Variants in IGF2R observed in about 807,000 individuals in gnomAD.
IGF2R encodes the protein insulin like growth factor 2 receptor.
A neutral mutation model predicts 270.6 loss-of-function variants in IGF2R; 91 were observed. The ratio of observed to expected loss-of-function variants is 0.34; its 90% CI spans 0.28 to 0.40. The LOEUF is 0.40. IGF2R is among the 10% of genes least tolerant of loss of function. IGF2R has a pLI of 1.00. For synonymous variants in IGF2R, 1,316 were observed against 1,258.9 expected (o/e 1.05, Z -0.96); for missense variants, 2,805 against 3,188.3 (o/e 0.88, Z 2.90).
At chr6:160,001,281 A>G (rs1419047484) in intron 2 of IGF2R, among the ~76,000 whole-genome samples, 2 of 152,056 alleles carry the variant, frequency 1.3e-5, no homozygotes, top group African/African-American at 4.8e-5. Context: ...TGTGAACTGC[A>G]CATGCAAGGG....
At chr6:160,015,937 C>G (rs990050221) in intron 4 of IGF2R, among the ~76,000 whole-genome samples, 4 of 152,248 alleles carry the variant, frequency 2.6e-5, no homozygotes, top group Admixed American at 2.0e-4. Flanking sequence ...CTTGCTCCCA[C>G]TTCACCTTCT....
At chr6:160,055,990 C>G (rs748274572) in intron 19 of IGF2R, among the ~76,000 whole-genome samples, 4 of 152,190 alleles carry the variant, frequency 2.6e-5, no homozygotes, top group African/African-American at 7.2e-5. Flanking sequence ...CTCCTGTGCC[C>G]TCTTCCTGCC....
intron 1 of IGF2R, among the ~76,000 whole-genome samples, chr6:159,985,592 A>G (rs1300442058): frequency 6.6e-6 from 1 of 152,232 alleles, no homozygotes; most frequent in Non-Finnish European, 1.5e-5. Flanking sequence ...TCATTGCTCC[A>G]GGAGGGAAGA....
At chr6:160,089,048 C>T in intron 42 of IGF2R, 59 bp from the exon 43 acceptor site, 1 of 1,555,962 alleles carries the variant, frequency 6.4e-7, no homozygotes, top group African/African-American at 1.4e-5. Flanking sequence ...CATTGTTTTG[C>T]AGTCTTCCCT....
rs1199378498 is a variant in IGF2R at position 160,088,994 on chromosome 6, CT to C, written c.6321-111del. 4 of 1,104,852 alleles carry C rather than the reference CT, an allele frequency of 3.6e-6. No individual in the cohort carries two copies. The Admixed American group carries it at 1.2e-4, about 33-fold the overall frequency. 68.4% of individuals were successfully genotyped at this position (1,104,852 alleles called of 1,614,324 possible). On this transcript the variant is annotated intron_variant, in intron 42 of 47. Coordinates refer to ENST00000356956, the MANE Select transcript of IGF2R (RefSeq NM_000876.4). Reference sequence around the variant, plus strand: ...GGACCCAACTGAAGTCTCGCAGCACCTTGACTGAAAGCCAGTGAGCTGCTTC... The same window carrying C: ...GGACCCAACTGAAGTCTCGCAGCACCTGACTGAAAGCCAGTGAGCTGCTTC...
chr6:160,080,080 G>A lies in IGF2R; in HGVS notation c.5687-49G>A, dbSNP rs758913154. 29 of 1,601,408 alleles carry A rather than the reference G, an allele frequency of 1.8e-5. No homozygotes were observed. In the South Asian group the frequency reaches 3.0e-4, roughly 17 times the overall value. On this transcript the variant is annotated intron_variant, in intron 38 of 47. Transcript: ENST00000356956. ...TGCTGCTGCATTCTGAGGTGATTGTGCCTGGCGAGGCACAGCTGCCACACT... is the reference window on the plus strand; with the variant it reads ...TGCTGCTGCATTCTGAGGTGATTGTACCTGGCGAGGCACAGCTGCCACACT...
chr6:160,046,735 ATTGCTT>A, intron 15 of IGF2R, 90 bp downstream of exon 15: 2 of 1,352,520 alleles, frequency 1.5e-6, no homozygotes, highest in Non-Finnish European at 2.0e-6. Flanking sequence ...ACTTAATGTC[ATTGCTT>A]TATGACAAGC....
chr6:159,990,066 G>A (rs527379756), intron 1 of IGF2R, among the ~76,000 whole-genome samples: 7 of 152,370 alleles, frequency 4.6e-5, no homozygotes, highest in African/African-American at 1.7e-4. Context: ...GATCTGAACT[G>A]TAGCTCTAAG....
chr6:160,065,159 A>G (rs1778539898), intron 29 of IGF2R, among the ~76,000 whole-genome samples: 1 of 152,198 alleles, frequency 6.6e-6, no homozygotes, highest in Admixed American at 6.5e-5. Flanking sequence ...CGTGATCCAC[A>G]TGTCAGTGAG....
intron 17 of IGF2R, among the ~76,000 whole-genome samples, 197 bp from the exon 18 acceptor site, chr6:160,048,178 G>T (rs953651900): frequency 3.9e-5 from 6 of 152,222 alleles, no homozygotes; most frequent in Non-Finnish European, 8.8e-5. Context: ...GGACAGTTAA[G>T]GTCCACTGCA....
intron 30 of IGF2R, among the ~76,000 whole-genome samples, chr6:160,069,185 A>G (rs972419516): frequency 5.3e-5 from 8 of 152,120 alleles, no homozygotes; most frequent in Non-Finnish European, 1.2e-4. Context: ...TGGGAAACCA[A>G]GGGCACCTCC....
rs773537372 is a variant in IGF2R, at chr6:160,058,924, A to G, written c.2917A>G (p.Met973Val). 7 of 1,614,080 alleles carry G rather than the reference A, an allele frequency of 4.3e-6. No homozygotes were observed. The highest frequency in any genetic ancestry group is 3.3e-5 in the South Asian group (3 of 91,086). Residue 973 changes from methionine to valine, a missense_variant, in exon 22 of 48, where the codon ATG (methionine) becomes GTG (valine). Physicochemically the swap from Met to Val is conservative, Grantham distance 21. Around this residue, in one of 2 missense-constraint regions of IGF2R, gnomAD observed 1,851 missense variants for 2,207.2 expected, o/e 0.84. Transcript: ENST00000356956. The stretch of plus-strand genomic sequence containing the variant: ...CCTGCAGTTTAATGTCTGCGGCACA[A>G]TGCCTGTCTGTGGGACCATCCTGGG... ...KIFMFNVCGT[M>V]PVCGTILGKP...
At chr6:160,028,242 G>A (rs1393719916) in intron 6 of IGF2R, among the ~76,000 whole-genome samples, 1 of 152,174 alleles carries the variant, frequency 6.6e-6, no homozygotes, top group Non-Finnish European at 1.5e-5. Context: ...GTCTTCACGT[G>A]GCCTTCCCTC....
At chr6:160,086,298 C>T (rs1226990347) in intron 41 of IGF2R, among the ~76,000 whole-genome samples, 4 of 152,180 alleles carry the variant, frequency 2.6e-5, no homozygotes, top group Non-Finnish European at 5.9e-5. Context: ...ACCTGCTGAC[C>T]GGAACGAGAA....
At position 160,059,090 on chromosome 6, in the gene IGF2R, C is replaced by T. The variant is rs1200823591; in HGVS notation, c.3083C>T (p.Ser1028Phe). 1.2e-6 allele frequency: 2 copies of T among 1,613,804 alleles called. No homozygotes were observed. Among genetic ancestry groups the T allele is most frequent in the Admixed American group, 1.7e-5 (1 of 60,000 alleles). The change falls in exon 22 of 48, where the codon TCT (serine) becomes TTT (phenylalanine). Residue 1028 changes from serine to phenylalanine, a missense_variant. Physicochemically the swap from Ser to Phe is radical, Grantham distance 155. Coordinates refer to ENST00000356956, the MANE Select transcript of IGF2R (RefSeq NM_000876.4). ...FITLTYKGPL[S>F]AKGTADAFIV... ...ACTCTGACCTACAAAGGGCCTCTCT[C>T]TGCCAAAGGTGAGCTCAGAGCCATG...
intron 10 of IGF2R, among the ~76,000 whole-genome samples, chr6:160,035,225 G>T (rs1255198199): frequency 6.6e-6 from 1 of 152,126 alleles, no homozygotes; most frequent in Non-Finnish European, 1.5e-5. Context: ...GCAATTCTAG[G>T]GCCCATTCTG....
chr6:159,986,933 C>T (rs1783897262), intron 1 of IGF2R, among the ~76,000 whole-genome samples: 1 of 152,150 alleles, frequency 6.6e-6, no homozygotes, highest in African/African-American at 2.4e-5. Flanking sequence ...AGAGAATTTT[C>T]TAACAGACAA....
intron 16 of IGF2R, among the ~76,000 whole-genome samples, 156 bp from the exon 17 acceptor site, chr6:160,047,636 A>C (rs372188962): frequency 1.3e-5 from 2 of 152,210 alleles, no homozygotes; most frequent in African/African-American, 4.8e-5. Flanking sequence ...GTTACTGGAC[A>C]GTCTTCTTTT....
intron 47 of IGF2R, among the ~76,000 whole-genome samples, chr6:160,104,447 C>T (rs1232687293): frequency 6.6e-6 from 1 of 152,004 alleles, no homozygotes; most frequent in Non-Finnish European, 1.5e-5. Flanking sequence ...ACCCCACTGC[C>T]ACCCTCCCAA....
Sources: gnomAD v4.1 joint callset for allele counts (sites outside exome capture counted in the v4.1 genomes callset) on GRCh38, gnomAD v4.1.1 for gene constraint, gnomAD v4.1.1 regional missense constraint, MANE v1.5 for transcripts, NCBI Gene and HGNC (gene_info 2026-07-23, HGNC 2026-07-21) for gene names.